ESYT2: variants seen among roughly 807,000 people sequenced by gnomAD.
ESYT2 encodes extended synaptotagmin-2.
A neutral mutation model predicts 107.2 loss-of-function variants in ESYT2; 54 were observed. The ratio of observed to expected loss-of-function variants is 0.50; its 90% CI spans 0.40 to 0.63. The LOEUF (loss-of-function observed/expected upper bound fraction) is 0.63. Ranked by LOEUF, ESYT2 falls within the 30% of genes least tolerant of loss-of-function variation. The pLI, the probability that ESYT2 is intolerant of heterozygous loss-of-function variation, is 0.00. For synonymous variants in ESYT2, 491 were observed against 434.1 expected, an observed-to-expected ratio of 1.13 and a Z score of -1.63; for missense variants, 1,020 against 1,094.5, an observed-to-expected ratio of 0.93 and a Z score of 0.96.
At chr7:158,779,233 T>C (rs937112928) in intron 6 of ESYT2, among the ~76,000 whole-genome samples, 1 of 152,202 alleles carries the variant, frequency 6.6e-6, no homozygotes, top group Non-Finnish European at 1.5e-5. Flanking sequence ...GAAGGGTTAT[T>C]GGAGTAAGCT....
chr7:158,764,736 T>C lies in ESYT2; in HGVS notation c.1042A>G (p.Ile348Val), dbSNP rs771188131. The C allele has an allele frequency of 6.2e-6, 10 of 1,614,208 alleles. No individual in the cohort carries two copies. Among genetic ancestry groups the C allele is most frequent in the Non-Finnish European group, 8.5e-6 (10 of 1,180,034 alleles). Residue 348 changes from isoleucine to valine, a missense_variant, in exon 9 of 23, where the codon ATC (isoleucine) becomes GTC (valine). Coordinates refer to ENST00000275418, the MANE Select transcript of ESYT2 (RefSeq NM_001367773.1). Reference protein sequence around the residue: ...PYGIIRVGNQIFQSRVIKENL... With the variant: ...PYGIIRVGNQVFQSRVIKENL... ...TCCTTGATGACTCTGCTTTGGAAGA[T>C]TTGGTTGCCAACTCTAATGATTCCA...
At chr7:158,794,608 A>AC (rs1839406726) in intron 3 of ESYT2, among the ~76,000 whole-genome samples, 1 of 151,098 alleles carries the variant, frequency 6.6e-6, no homozygotes, top group Admixed American at 6.6e-5. Flanking sequence ...CTGAGTGGAG[A>AC]CCCCCATCTC....
At position 158,734,107 on chromosome 7, in the gene ESYT2, C is replaced by T. The variant is rs529351572; in HGVS notation, c.*100G>A. 37 of 1,402,238 alleles carry T rather than the reference C, an allele frequency of 2.6e-5. No homozygotes were observed. The South Asian group carries it at 4.3e-4, about 16-fold the overall frequency. 86.9% of individuals were successfully genotyped at this position (1,402,238 alleles called of 1,614,324 possible). ...ACTATTAAGGTATGTATAACTAAATCCATGAAATTATAAAAATAACATTGG... is the reference window on the plus strand; with the variant it reads ...ACTATTAAGGTATGTATAACTAAATTCATGAAATTATAAAAATAACATTGG... On this transcript the variant is annotated 3_prime_UTR_variant, in exon 23 of 23. Transcript: ENST00000275418.
At chr7:158,757,306 GA>G (rs930402995) in intron 13 of ESYT2, among the ~76,000 whole-genome samples, 21 of 152,330 alleles carry the variant, frequency 1.4e-4, no homozygotes, top group Admixed American at 9.1e-4. Context: ...AACAGACAAA[GA>G]AAGAAAGAAC....
At chr7:158,815,686 T>G (rs1840131687) in intron 1 of ESYT2, among the ~76,000 whole-genome samples, 1 of 152,096 alleles carries the variant, frequency 6.6e-6, no homozygotes, top group South Asian at 2.1e-4. Context: ...CTAACCCTTC[T>G]TCCCACTGCA....
At chr7:158,782,887 T>G (rs1049844455) in intron 6 of ESYT2, among the ~76,000 whole-genome samples, 2 of 151,528 alleles carry the variant, frequency 1.3e-5, no homozygotes, top group African/African-American at 4.8e-5. Context: ...AAGGACAAAA[T>G]GGGTGTGTGA....
At chr7:158,737,262 C>G (rs1308282814) in intron 19 of ESYT2, 83 bp from the exon 20 acceptor site, 1 of 1,492,912 alleles carries the variant, frequency 6.7e-7, no homozygotes. Context: ...CTTTATCAAG[C>G]TTTGATTTCA....
chr7:158,747,518 G>A (rs935979406), intron 16 of ESYT2, among the ~76,000 whole-genome samples: 5 of 152,214 alleles, frequency 3.3e-5, no homozygotes, highest in East Asian at 1.9e-4. Context: ...TAGTAATGAC[G>A]CTGAAACCAC....
At chr7:158,805,839 G>A (rs144054791) in intron 1 of ESYT2, among the ~76,000 whole-genome samples, 1 of 152,348 alleles carries the variant, frequency 6.6e-6, no homozygotes, top group African/African-American at 2.4e-5. Flanking sequence ...CACAGGTAGT[G>A]ATCATGGTCA....
chr7:158,772,794 C>T (rs140977508), intron 7 of ESYT2, among the ~76,000 whole-genome samples: 16 of 151,600 alleles, frequency 1.1e-4, no homozygotes, highest in Non-Finnish European at 2.2e-4. Context: ...TGAAATGATA[C>T]GGAACTTCAA....
intron 9 of ESYT2, among the ~76,000 whole-genome samples, chr7:158,764,464 G>T (rs748453318): frequency 6.6e-6 from 1 of 152,182 alleles, no homozygotes; most frequent in Non-Finnish European, 1.5e-5. Context: ...ATGTAATTAA[G>T]GTTTAAAACA....
At chr7:158,742,091 A>C (rs1837232235) in intron 17 of ESYT2, among the ~76,000 whole-genome samples, 195 bp from the exon 18 acceptor site, 1 of 152,194 alleles carries the variant, frequency 6.6e-6, no homozygotes. Flanking sequence ...CCCAGAGATG[A>C]GGACCTGCTA....
intron 3 of ESYT2, among the ~76,000 whole-genome samples, chr7:158,796,770 G>A (rs6459905): frequency 0.13 from 20,343 of 151,942 alleles, 1,605 homozygotes; most frequent in African/African-American, 0.22. Context: ...GGAGAGACGG[G>A]AAAAGGCACC....
intron 6 of ESYT2, among the ~76,000 whole-genome samples, chr7:158,780,731 T>C (rs1033128256): frequency 3.3e-5 from 5 of 152,118 alleles, no homozygotes; most frequent in African/African-American, 1.2e-4. Flanking sequence ...GGAGCAGGAA[T>C]TGCGGAAGGA....
intron 11 of ESYT2, among the ~76,000 whole-genome samples, chr7:158,760,888 A>C (rs1156474471): frequency 6.6e-6 from 1 of 152,250 alleles, no homozygotes; most frequent in Admixed American, 6.5e-5. Flanking sequence ...ATGAATGCTG[A>C]ACACTCAAGG....
chr7:158,764,649 C>T (rs1412945643), intron 9 of ESYT2, 28 bp downstream of exon 9: 5 of 1,608,560 alleles, frequency 3.1e-6, no homozygotes, highest in Admixed American at 3.3e-5. Context: ...CCCACCACCC[C>T]AGCAACACAG....
chr7:158,787,030 TACAG>T (rs1750246366), intron 6 of ESYT2, among the ~76,000 whole-genome samples: 1 of 152,148 alleles, frequency 6.6e-6, no homozygotes, highest in Non-Finnish European at 1.5e-5. Flanking sequence ...TGTGGGCTGA[TACAG>T]ACAACCATAT....
chr7:158,734,694 ACAG>A (rs1341851703), intron 21 of ESYT2, among the ~76,000 whole-genome samples: 3 of 152,230 alleles, frequency 2.0e-5, no homozygotes, highest in Non-Finnish European at 2.9e-5. Context: ...GGAGGCTGAG[ACAG>A]CAATTGCTGG....
At chr7:158,801,810 AG>A (rs1415040828) in intron 1 of ESYT2, among the ~76,000 whole-genome samples, 3 of 141,002 alleles carry the variant, frequency 2.1e-5, no homozygotes, top group Non-Finnish European at 4.6e-5. Context: ...AAAAGAACAA[AG>A]GCGTATTTTA....
Sources: allele counts gnomAD v4.1 joint callset (sites outside exome capture counted in the v4.1 genomes callset), GRCh38; gene constraint gnomAD v4.1.1; transcripts MANE v1.5; gene names NCBI Gene and HGNC (gene_info 2026-07-23, HGNC 2026-07-21).